Variants in CADM2 observed in about 807,000 individuals in gnomAD.
CADM2 encodes the protein immunoglobulin superfamily member 4D.
Under a neutral mutation model 49.8 loss-of-function variants are expected in CADM2, and 12 were observed. That is an observed-to-expected ratio of 0.24 (90% CI 0.15 to 0.39). CADM2 has a LOEUF of 0.39. CADM2 is among the 10% of genes least tolerant of loss of function. The pLI is 1.00. For missense variants in CADM2, 378 were observed against 492.3 expected (o/e 0.77, Z 2.20); for synonymous variants, 214 against 175.4 (o/e 1.22, Z -1.74).
At chr3:85,358,161 C>T (rs1004236408) in intron 1 of CADM2, among the ~76,000 whole-genome samples, 2 of 152,050 alleles carry the variant, frequency 1.3e-5, no homozygotes, top group Admixed American at 6.6e-5. Context: ...AATGCTGCAT[C>T]CCTGGCTTCT....
At position 86,013,293 on chromosome 3, in the gene CADM2, A is replaced by AT. The variant is rs547559272; in HGVS notation, c.970+51650dup. 2.0e-4 allele frequency: 309 copies of AT among 1,531,978 alleles called. No individual in the cohort carries two copies. In the African/African-American group the frequency reaches 3.9e-3, roughly 19 times the overall value. 94.9% of individuals were successfully genotyped at this position (1,531,978 alleles called of 1,614,324 possible). The stretch of plus-strand genomic sequence containing the variant: ...AGAGGGTGAAGGGCAAGATGAGGAC[A>AT]TTTTACCTCTATCCCTTGAAGAGAA... On this transcript the variant is annotated intron_variant, in intron 8 of 9. Coordinates refer to ENST00000383699, the MANE Select transcript of CADM2 (RefSeq NM_001167675.2).
At chr3:85,228,490 A>T (rs1333305355) in intron 1 of CADM2, among the ~76,000 whole-genome samples, 1 of 151,472 alleles carries the variant, frequency 6.6e-6, no homozygotes, top group Admixed American at 6.6e-5. Flanking sequence ...TGACCTGTGG[A>T]TAGGGATTTG....
At chr3:85,968,297 G>T (rs567385492) in intron 8 of CADM2, among the ~76,000 whole-genome samples, 1 of 151,734 alleles carries the variant, frequency 6.6e-6, no homozygotes, top group African/African-American at 2.4e-5. Flanking sequence ...AGAGAGAAAT[G>T]GAATGGCATA....
intron 1 of CADM2, among the ~76,000 whole-genome samples, chr3:85,478,257 T>C (rs1188040795): frequency 6.6e-6 from 1 of 151,930 alleles, no homozygotes; most frequent in Non-Finnish European, 1.5e-5. Flanking sequence ...AAATGCAAAA[T>C]ATTTGTAATG....
At chr3:85,234,644 C>T (rs1027906371) in intron 1 of CADM2, among the ~76,000 whole-genome samples, 1 of 151,940 alleles carries the variant, frequency 6.6e-6, no homozygotes, top group Admixed American at 6.6e-5. Flanking sequence ...TCCTTAAGTG[C>T]GAAAAATAGA....
At chr3:84,982,779 TC>T (rs1187327137) in intron 1 of CADM2, among the ~76,000 whole-genome samples, 1 of 146,724 alleles carries the variant, frequency 6.8e-6, no homozygotes, top group African/African-American at 2.5e-5. Flanking sequence ...TTAGTCTTGC[TC>T]TATTGCCCAG....
At chr3:85,462,410 A>G (rs2038290351) in intron 1 of CADM2, among the ~76,000 whole-genome samples, 2 of 152,176 alleles carry the variant, frequency 1.3e-5, no homozygotes, top group African/African-American at 4.8e-5. Context: ...ATGAAAAAGT[A>G]GCCTAAGTCA....
At chr3:85,323,741 G>A (rs1171243610) in intron 1 of CADM2, among the ~76,000 whole-genome samples, 2 of 152,068 alleles carry the variant, frequency 1.3e-5, no homozygotes, top group African/African-American at 4.8e-5. Flanking sequence ...AATATTTGTA[G>A]AAAACATCTC....
intron 1 of CADM2, among the ~76,000 whole-genome samples, chr3:85,068,713 A>C (rs1427049578): frequency 6.6e-6 from 1 of 152,164 alleles, no homozygotes; most frequent in African/African-American, 2.4e-5. Flanking sequence ...GAACATCTGT[A>C]AGATACAGAA....
intron 3 of CADM2, among the ~76,000 whole-genome samples, chr3:85,869,347 G>A (rs541657706): frequency 7.9e-5 from 12 of 151,984 alleles, no homozygotes; most frequent in South Asian, 4.1e-4. Flanking sequence ...AGTCAGCTTC[G>A]TTCCATTCAT....
chr3:86,066,544 A>G (rs1335680270), intron 9 of CADM2, 121 bp from the exon 10 acceptor site: 3 of 709,620 alleles, frequency 4.2e-6, no homozygotes, highest in African/African-American at 1.8e-5. Context: ...AGAAGAGTCA[A>G]TCGGGTAGCA....
At chr3:85,207,605 A>T (rs993840489) in intron 1 of CADM2, among the ~76,000 whole-genome samples, 1 of 152,164 alleles carries the variant, frequency 6.6e-6, no homozygotes, top group African/African-American at 2.4e-5. Flanking sequence ...TCTTGACTAA[A>T]GTATTTTTAT....
intron 1 of CADM2, among the ~76,000 whole-genome samples, chr3:85,468,062 G>A (rs1291078789): frequency 6.8e-6 from 1 of 146,124 alleles, no homozygotes; most frequent in Non-Finnish European, 1.5e-5. Context: ...GCTGAGGCAG[G>A]AGAATGGCGT....
intron 1 of CADM2, among the ~76,000 whole-genome samples, chr3:85,319,877 T>C (rs2044557402): frequency 6.6e-6 from 1 of 152,138 alleles, no homozygotes; most frequent in Non-Finnish European, 1.5e-5. Context: ...CCATGTGACA[T>C]GAGCTGTTCT....
At chr3:85,725,195 G>A (rs976203382) in intron 1 of CADM2, among the ~76,000 whole-genome samples, 1 of 151,748 alleles carries the variant, frequency 6.6e-6, no homozygotes, top group Admixed American at 6.6e-5. Context: ...TTAAAACTAG[G>A]ATGTTCATTT....
At chr3:85,604,415 C>G (rs924750229) in intron 1 of CADM2, among the ~76,000 whole-genome samples, 1 of 151,892 alleles carries the variant, frequency 6.6e-6, no homozygotes, top group African/African-American at 2.4e-5. Context: ...CTAAAGACTA[C>G]AAGTAGCAAA....
intron 1 of CADM2, among the ~76,000 whole-genome samples, chr3:85,001,496 CA>C (rs921693660): frequency 6.6e-6 from 1 of 151,868 alleles, no homozygotes; most frequent in Non-Finnish European, 1.5e-5. Flanking sequence ...ATTTTTTCAA[CA>C]AAATCTTTTT....
At chr3:85,417,967 C>T (rs72907219) in intron 1 of CADM2, among the ~76,000 whole-genome samples, 6,044 of 152,130 alleles carry the variant, frequency 0.04, 404 homozygotes, top group African/African-American at 0.14. Flanking sequence ...GTTCCTTAGA[C>T]ATACTTTAAG....
In CADM2 at chr3:86,038,108, G is replaced by A. The variant is rs146596715; in HGVS notation, c.971-27497G>A. 1.9e-4 allele frequency among the ~76,000 whole-genome samples: 29 copies of A among 152,120 alleles called. No individual in the cohort carries two copies. In the East Asian group the frequency reaches 5.2e-3, roughly 27 times the overall value. ...AGTGTTTGACTTTCTGTTCCTGTTA[G>A]TTTGCTGAGAATGATAGTTTCCAGC... On this transcript the variant is annotated intron_variant, in intron 8 of 9. Transcript: ENST00000383699.
Sources: allele counts gnomAD v4.1 joint callset (sites outside exome capture counted in the v4.1 genomes callset), GRCh38; gene constraint gnomAD v4.1.1; transcripts MANE v1.5; gene names NCBI Gene and HGNC (gene_info 2026-07-23, HGNC 2026-07-21).